The following RAB30 variants were observed in gnomAD, a reference collection of about 807,000 sequenced individuals.
The protein encoded by RAB30 is RAB30, member RAS oncogene family.
RAB30 carries 9 observed loss-of-function variants against 25.1 expected under a neutral mutation model. The observed-to-expected ratio is 0.36, with a 90% CI of 0.22 to 0.63. RAB30 has a LOEUF of 0.63. Among genes scored for constraint, RAB30 ranks in the 20% least tolerant of loss-of-function variants. The pLI is 0.69. For synonymous variants in RAB30, 77 were observed against 86.4 expected (o/e 0.89, Z 0.60); for missense variants, 140 against 243.5 (o/e 0.58, Z 2.83).
At chr11:83,040,548 GC>G in intron 1 of RAB30, among the ~76,000 whole-genome samples, 1 of 149,120 alleles carries the variant, frequency 6.7e-6, no homozygotes, top group South Asian at 2.1e-4. Flanking sequence ...CCGAGAGTGT[GC>G]CATTGGCACT....
chr11:83,010,018 T>C (rs971165497), intron 1 of RAB30, among the ~76,000 whole-genome samples: 4 of 152,192 alleles, frequency 2.6e-5, no homozygotes, highest in Admixed American at 1.3e-4. Flanking sequence ...CCTCCTGCCT[T>C]GGACTTTCAA....
At position 82,979,630 on chromosome 11, in the gene RAB30, T is replaced by C. The variant is rs1342135344; in HGVS notation, c.*2535A>G. 6.6e-6 allele frequency: 1 copy of C among 152,226 alleles called. No individual in the cohort carries two copies. Among genetic ancestry groups the C allele is most frequent in the Non-Finnish European group, 1.5e-5 (1 of 68,044 alleles). The allele number at this position is 152,226 out of a possible 1,614,324, so 9.4% of individuals were successfully genotyped here. On this transcript the variant is annotated 3_prime_UTR_variant, in exon 5 of 5. Coordinates refer to ENST00000527633, the MANE Select transcript of RAB30 (RefSeq NM_001286060.2). ...CTTGGCACTTAAATGTTTATTTGAC[T>C]AATATTTATTGCACCTACAATATTG...
chr11:83,049,974 G>C (rs942012180), intron 1 of RAB30, among the ~76,000 whole-genome samples: 1 of 152,076 alleles, frequency 6.6e-6, no homozygotes, highest in Non-Finnish European at 1.5e-5. Context: ...TTTTAATAAT[G>C]GGGCCAAGCA....
rs1228650224 is a variant in RAB30, at chr11:82,976,188, AGGAAAGTTTCTT to A, written c.*5965_*5976del. The A allele has an allele frequency of 2.0e-5, 3 of 152,130 alleles. No homozygotes were observed. The East Asian group carries it at 5.8e-4, about 29-fold the overall frequency. 9.4% of individuals were successfully genotyped at this position (152,130 alleles called of 1,614,324 possible). ...AAATGGAGTTCTTTTCTTTGAAGCC[AGGAAAGTTTCTT>A]TGTTTTGTCTCTTAAGGATCTACAC... is the stretch of plus-strand genomic sequence containing the variant. On this transcript the variant is annotated 3_prime_UTR_variant, in exon 5 of 5. Transcript: ENST00000527633.
rs1194556881 is a variant in RAB30 at position 82,976,125 on chromosome 11, G to A, written c.*6040C>T. 1.3e-5 allele frequency: 2 copies of A among 152,118 alleles called. No homozygotes were observed. Among genetic ancestry groups the A allele is most frequent in the African/African-American group, 4.8e-5 (2 of 41,426 alleles). 9.4% of individuals were successfully genotyped at this position (152,118 alleles called of 1,614,324 possible). On this transcript the variant is annotated 3_prime_UTR_variant, in exon 5 of 5. Transcript: ENST00000527633. ...AGTAATGCCCAAAGGCAAAAGGATG[G>A]ATCAGACAAATGAATTCCTTTTAAG... is the stretch of plus-strand genomic sequence containing the variant.
chr11:83,052,797 G>A (rs944518317), intron 1 of RAB30, among the ~76,000 whole-genome samples: 1 of 152,140 alleles, frequency 6.6e-6, no homozygotes, highest in African/African-American at 2.4e-5. Context: ...TGTTGGGGAG[G>A]GAGAAGGGAT....
chr11:82,998,221 T>C (rs1361777985), intron 1 of RAB30, among the ~76,000 whole-genome samples: 3 of 152,206 alleles, frequency 2.0e-5, no homozygotes, highest in Admixed American at 2.0e-4. Context: ...CTTTTAAATG[T>C]CTATCCTATA....
At position 82,975,759 on chromosome 11, in the gene RAB30, TAAG is replaced by T. The variant is rs1259929082; in HGVS notation, c.*6403_*6405del. The T allele has an allele frequency of 6.6e-6, 1 of 152,112 alleles. No individual in the cohort carries two copies. The highest frequency in any genetic ancestry group is 1.5e-5 in the Non-Finnish European group (1 of 67,992). 9.4% of individuals were successfully genotyped at this position (152,112 alleles called of 1,614,324 possible). A position where few individuals can be genotyped will look rare whatever the true frequency, so the allele number is the denominator to read the frequency against. On this transcript the variant is annotated 3_prime_UTR_variant, in exon 5 of 5. Transcript: ENST00000527633. The stretch of plus-strand genomic sequence containing the variant: ...GACCGTGATCTACATCTGATACCAA[TAAG>T]AAGCTAAGAGTAATAAATACCTATC...
intron 2 of RAB30, among the ~76,000 whole-genome samples, chr11:82,995,577 T>C (rs1452010117): frequency 6.6e-6 from 1 of 152,172 alleles, no homozygotes. Flanking sequence ...TATGAGTTTA[T>C]GGTGGAGTTG....
intron 1 of RAB30, among the ~76,000 whole-genome samples, chr11:82,997,946 T>G (rs1192512247): frequency 6.6e-6 from 1 of 152,162 alleles, no homozygotes; most frequent in African/African-American, 2.4e-5. Context: ...TCCTCTGGGC[T>G]TTGGTATGTG....
intron 1 of RAB30, among the ~76,000 whole-genome samples, chr11:83,046,978 G>A (rs951923784): frequency 6.6e-6 from 1 of 152,068 alleles, no homozygotes; most frequent in African/African-American, 2.4e-5. Flanking sequence ...AATTCTGCTG[G>A]GTTTCCTTGA....
intron 1 of RAB30, among the ~76,000 whole-genome samples, chr11:83,059,231 C>T (rs752186953): frequency 2.2e-4 from 33 of 152,130 alleles, no homozygotes; most frequent in Non-Finnish European, 2.4e-4. Flanking sequence ...TGTGAGCCAC[C>T]GTGCCTGGCC....
At chr11:83,055,971 T>C (rs1483443636) in intron 1 of RAB30, among the ~76,000 whole-genome samples, 1 of 152,272 alleles carries the variant, frequency 6.6e-6, no homozygotes, top group Non-Finnish European at 1.5e-5. Context: ...CAGTCTCAGA[T>C]ATTTTGCTAT....
At chr11:83,025,291 C>T (rs940238485) in intron 1 of RAB30, among the ~76,000 whole-genome samples, 1 of 152,144 alleles carries the variant, frequency 6.6e-6, no homozygotes, top group East Asian at 1.9e-4. Context: ...AGACCATAAG[C>T]CTTTTAATCA....
At chr11:83,036,023 T>C (rs978932217) in intron 1 of RAB30, among the ~76,000 whole-genome samples, 2 of 152,146 alleles carry the variant, frequency 1.3e-5, no homozygotes, top group Middle Eastern at 3.2e-3. Context: ...GGTGGGTACA[T>C]TCACAGCCAA....
At chr11:83,031,220 AG>A (rs2121513807) in intron 1 of RAB30, among the ~76,000 whole-genome samples, 1 of 152,368 alleles carries the variant, frequency 6.6e-6, no homozygotes, top group South Asian at 2.1e-4. Flanking sequence ...TTGTTATGGC[AG>A]GCCTAGCAAA....
intron 1 of RAB30, among the ~76,000 whole-genome samples, chr11:83,019,697 C>A (rs1203763329): frequency 6.6e-6 from 1 of 152,192 alleles, no homozygotes; most frequent in African/African-American, 2.4e-5. Flanking sequence ...CATATTTGGT[C>A]TTATAATCAT....
chr11:82,980,645 CA>C lies in RAB30; in HGVS notation c.*1519del, dbSNP rs1856621039. 1 of 152,174 alleles carries C rather than the reference CA, an allele frequency of 6.6e-6. No individual in the cohort carries two copies. The highest frequency in any genetic ancestry group is 1.5e-5 in the Non-Finnish European group (1 of 68,040). The allele number at this position is 152,174 out of a possible 1,614,324, so 9.4% of individuals were successfully genotyped here. A position where few individuals can be genotyped will look rare whatever the true frequency, so the allele number is the denominator to read the frequency against. ...CAGCATACAGGTTTAATTATTTTCC[CA>C]ATTTGCATTTATATCAGTGAACAAA... is the stretch of plus-strand genomic sequence containing the variant. On this transcript the variant is annotated 3_prime_UTR_variant, in exon 5 of 5. Coordinates refer to ENST00000527633, the MANE Select transcript of RAB30 (RefSeq NM_001286060.2).
chr11:82,983,247 T>C (rs1452275638), intron 4 of RAB30, among the ~76,000 whole-genome samples: 3 of 152,174 alleles, frequency 2.0e-5, no homozygotes, highest in Non-Finnish European at 4.4e-5. Flanking sequence ...GTGAAAGGAA[T>C]AGAAACCAGA....
Sources: gnomAD v4.1 joint callset for allele counts (sites outside exome capture counted in the v4.1 genomes callset) on GRCh38, gnomAD v4.1.1 for gene constraint, MANE v1.5 for transcripts, NCBI Gene and HGNC (gene_info 2026-07-23, HGNC 2026-07-21) for gene names.